The following CDH8 variants were observed in gnomAD, a reference collection of about 807,000 sequenced individuals.
CDH8 encodes the protein cadherin 8, also known as cadherin-8.
Under a neutral mutation model 68.1 loss-of-function variants are expected in CDH8, and 17 were observed. The ratio of observed to expected loss-of-function variants is 0.25; its 90% CI spans 0.17 to 0.37. The LOEUF (loss-of-function observed/expected upper bound fraction) is 0.37. Ranked by LOEUF, CDH8 falls within the 10% of genes least tolerant of loss-of-function variation. The pLI is 1.00. For missense variants in CDH8, 763 were observed against 999.3 expected (o/e 0.76, Z 3.19); for synonymous variants, 372 against 365.1 (o/e 1.02, Z -0.21).
At chr16:61,654,851 G>A (rs529123683) in intron 11 of CDH8, among the ~76,000 whole-genome samples, 1 of 152,064 alleles carries the variant, frequency 6.6e-6, no homozygotes, top group African/African-American at 2.4e-5. Context: ...TATAAGATAC[G>A]ACTCTCATGT....
intron 2 of CDH8, among the ~76,000 whole-genome samples, chr16:61,992,077 T>TGTGTGTGTGTGTGA (rs34925928): frequency 0.017 from 2,463 of 144,178 alleles, 42 homozygotes; most frequent in East Asian, 0.096. Context: ...TGTGTGTGTG[T>TGTGTGTGTGTGTGA]GAGAGAGAGA....
At chr16:62,018,406 T>C (rs1901993859) in intron 2 of CDH8, among the ~76,000 whole-genome samples, 1 of 152,176 alleles carries the variant, frequency 6.6e-6, no homozygotes, top group African/African-American at 2.4e-5. Flanking sequence ...AAGTAAGTAA[T>C]GCTTCTCAGC....
At chr16:61,820,054 G>T (rs1250933680) in intron 6 of CDH8, among the ~76,000 whole-genome samples, 1 of 152,022 alleles carries the variant, frequency 6.6e-6, no homozygotes, top group Non-Finnish European at 1.5e-5. Context: ...GTACAGAATT[G>T]TTTACATCTA....
At chr16:61,659,837 C>T (rs1003579756) in intron 10 of CDH8, among the ~76,000 whole-genome samples, 1 of 152,120 alleles carries the variant, frequency 6.6e-6, no homozygotes, top group Non-Finnish European at 1.5e-5. Context: ...TGGGTCAGAA[C>T]TAATCTGAAA....
At chr16:61,812,766 T>G (rs763845813) in intron 7 of CDH8, among the ~76,000 whole-genome samples, 1 of 152,192 alleles carries the variant, frequency 6.6e-6, no homozygotes, top group Non-Finnish European at 1.5e-5. Context: ...TATTCCACTT[T>G]CAAGAATCCA....
chr16:61,712,446 G>A (rs535696025), intron 10 of CDH8, among the ~76,000 whole-genome samples: 11 of 151,712 alleles, frequency 7.3e-5, no homozygotes, highest in African/African-American at 1.9e-4. Context: ...AATGCTGTGC[G>A]TTTTATATGC....
intron 9 of CDH8, among the ~76,000 whole-genome samples, chr16:61,721,447 C>T (rs78662112): frequency 0.032 from 4,832 of 150,788 alleles, 356 homozygotes; most frequent in East Asian, 0.24. Context: ...AGTGCCATAA[C>T]TTCATTTTAT....
intron 2 of CDH8, among the ~76,000 whole-genome samples, chr16:62,018,872 GA>G (rs1902006048): frequency 6.6e-6 from 1 of 152,192 alleles, no homozygotes; most frequent in Non-Finnish European, 1.5e-5. Flanking sequence ...TAAGTCACAA[GA>G]AGATGCTGAA....
At chr16:62,030,929 A>G (rs1376721900) in intron 1 of CDH8, among the ~76,000 whole-genome samples, 3 of 152,146 alleles carry the variant, frequency 2.0e-5, no homozygotes, top group African/African-American at 4.8e-5. Flanking sequence ...TGCAATTCAC[A>G]TGAGGGTAAG....
intron 8 of CDH8, among the ~76,000 whole-genome samples, chr16:61,733,181 G>C (rs866931578): frequency 2.6e-4 from 39 of 151,856 alleles, no homozygotes; most frequent in Middle Eastern, 3.4e-3. Context: ...TATCTCACTT[G>C]AATTAAGATG....
chr16:61,962,024 TTAAAA>T (rs1185256307), intron 2 of CDH8, among the ~76,000 whole-genome samples: 1 of 152,212 alleles, frequency 6.6e-6, no homozygotes, highest in Non-Finnish European at 1.5e-5. Context: ...ATTCTTAGAA[TTAAAA>T]TAAGCTAGAG....
chr16:61,720,020 CACA>C (rs1193807403), intron 9 of CDH8, among the ~76,000 whole-genome samples: 19 of 150,906 alleles, frequency 1.3e-4, no homozygotes, highest in Admixed American at 1.3e-4. Flanking sequence ...CACACACACA[CACA>C]CCAAACCACA....
chr16:61,717,005 G>A (rs1045670445), intron 9 of CDH8, among the ~76,000 whole-genome samples: 1 of 151,658 alleles, frequency 6.6e-6, no homozygotes, highest in Non-Finnish European at 1.5e-5. Context: ...ACCGAGTAGA[G>A]GGCAACTGGA....
rs1309717579 is a variant in CDH8 at position 61,650,001 on chromosome 16, A to G, written c.*3607T>C. The G allele has an allele frequency of 6.6e-6, 1 of 152,012 alleles. No homozygotes were observed. The highest frequency in any genetic ancestry group is 1.5e-5 in the Non-Finnish European group (1 of 68,014). The allele number at this position is 152,012 out of a possible 1,614,324, so 9.4% of individuals were successfully genotyped here. A position where few individuals can be genotyped will look rare whatever the true frequency, so the allele number is the denominator to read the frequency against. On this transcript the variant is annotated 3_prime_UTR_variant, in exon 12 of 12. Transcript: ENST00000577390. ...CTTCACTGGTGATACCAGTAAATCTAAGTTTCCTTTTCTTCTATATATACA... is the reference window on the plus strand; with the variant it reads ...CTTCACTGGTGATACCAGTAAATCTGAGTTTCCTTTTCTTCTATATATACA...
At chr16:61,951,909 T>A (rs1217793172) in intron 2 of CDH8, among the ~76,000 whole-genome samples, 8 of 152,248 alleles carry the variant, frequency 5.3e-5, no homozygotes, top group Non-Finnish European at 5.9e-5. Flanking sequence ...AAACGGGATT[T>A]GCTTCACAAG....
chr16:61,661,872 TA>T lies in CDH8; in HGVS notation c.1655-6152del, dbSNP rs575414127. Among the ~76,000 whole-genome samples, 26 of 151,706 alleles carry T rather than the reference TA, an allele frequency of 1.7e-4. No homozygotes were observed. The Middle Eastern group carries it at 0.014, about 79-fold the overall frequency. On this transcript the variant is annotated intron_variant, in intron 10 of 11. Transcript: ENST00000577390. ...TTCAAGTATTATTGTTTTCATTTTT[TA>T]AAAAAAATCTTAGTACACTAATGAG... is the stretch of plus-strand genomic sequence containing the variant.
At chr16:61,784,213 A>G (rs1465817461) in intron 8 of CDH8, among the ~76,000 whole-genome samples, 1 of 152,216 alleles carries the variant, frequency 6.6e-6, no homozygotes, top group South Asian at 2.1e-4. Flanking sequence ...AGAGACACAC[A>G]TAGGTTCAAA....
At chr16:61,990,957 AAG>A (rs929185671) in intron 2 of CDH8, among the ~76,000 whole-genome samples, 1 of 150,460 alleles carries the variant, frequency 6.6e-6, no homozygotes, top group African/African-American at 2.5e-5. Context: ...AGAGAGAAAA[AAG>A]AAAGAAAGAA....
At chr16:61,903,321 GTTTGT>G (rs1032736615) in intron 2 of CDH8, among the ~76,000 whole-genome samples, 4 of 152,106 alleles carry the variant, frequency 2.6e-5, no homozygotes, top group South Asian at 2.1e-4. Context: ...GTTTTTGTTT[GTTTGT>G]TTTGTTTTGT....
Sources: allele counts gnomAD v4.1 joint callset (sites outside exome capture counted in the v4.1 genomes callset), GRCh38; gene constraint gnomAD v4.1.1; transcripts MANE v1.5; gene names NCBI Gene and HGNC (gene_info 2026-07-23, HGNC 2026-07-21).